C14orf39: variants seen among roughly 807,000 people sequenced by gnomAD.
C14orf39 encodes the protein chromosome 14 open reading frame 39.
A neutral mutation model predicts 85.6 loss-of-function variants in C14orf39; 66 were observed. The ratio of observed to expected loss-of-function variants is 0.77; its 90% CI spans 0.63 to 0.95. C14orf39 has a LOEUF of 0.95. Among genes scored for constraint, C14orf39 ranks in the 40% least tolerant of loss-of-function variants. C14orf39 has a pLI of 0.00. For missense variants in C14orf39, 735 were observed against 663.9 expected, an observed-to-expected ratio of 1.11 and a Z score of -1.18; for synonymous variants, 242 against 214.0, an observed-to-expected ratio of 1.13 and a Z score of -1.14.
intron 16 of C14orf39, among the ~76,000 whole-genome samples, chr14:60,446,239 C>CA (rs1469869657): frequency 2.0e-5 from 3 of 151,916 alleles, no homozygotes; most frequent in Non-Finnish European, 4.4e-5. Flanking sequence ...GCTAGAGACA[C>CA]AAAAAACCCT....
chr14:60,437,074 A>C, intron 17 of C14orf39, 27 bp from the exon 18 acceptor site: 72 of 1,456,158 alleles, frequency 4.9e-5, no homozygotes, highest in Non-Finnish European at 5.9e-5. Context: ...TTACAATATC[A>C]TGCTCTTCAT....
intron 1 of C14orf39, among the ~76,000 whole-genome samples, chr14:60,500,381 T>C (rs1016721684): frequency 6.6e-6 from 1 of 152,234 alleles, no homozygotes; most frequent in Admixed American, 6.5e-5. Flanking sequence ...AAAAGTCTTT[T>C]TGGATGGAAA....
At chr14:60,502,730 A>G (rs1893163558) in intron 1 of C14orf39, among the ~76,000 whole-genome samples, 1 of 152,226 alleles carries the variant, frequency 6.6e-6, no homozygotes. Context: ...TCCCTGCCAG[A>G]GCTTTGCAGC....
Position 60,483,755 on chromosome 14 carries a change from C to A in C14orf39, c.169G>T (p.Ala57Ser). ...TICRIHETIN[A>S]TDEEIDHYCK... The stretch of plus-strand genomic sequence containing the variant: ...TAATGATCAATTTCCTCATCTGTTG[C>A]ATTTATAGTTTCGTGTATCCTACAA... Residue 57 changes from alanine to serine, a missense_variant, in exon 4 of 18, where the codon GCA (alanine) becomes TCA (serine). By Grantham distance (99) the Ala-to-Ser change is moderately conservative. Transcript: ENST00000321731. 1 of 1,583,484 alleles carries A rather than the reference C, an allele frequency of 6.3e-7. No homozygotes were observed. The highest frequency in any genetic ancestry group is 1.1e-5 in the South Asian group (1 of 89,602).
intron 1 of C14orf39, chr14:60,511,174 C>A: frequency 6.2e-7 from 1 of 1,612,008 alleles, no homozygotes; most frequent in Non-Finnish European, 8.5e-7. Context: ...TCGCCACCAG[C>A]CCGGCCGCCA....
intron 5 of C14orf39, among the ~76,000 whole-genome samples, chr14:60,474,340 C>T (rs1324600674): frequency 6.6e-6 from 1 of 150,982 alleles, no homozygotes; most frequent in Non-Finnish European, 1.5e-5. Flanking sequence ...ATCATGTCAT[C>T]TGCAAACAGG....
chr14:60,493,366 T>C (rs915343876), intron 2 of C14orf39, among the ~76,000 whole-genome samples: 1 of 152,184 alleles, frequency 6.6e-6, no homozygotes, highest in African/African-American at 2.4e-5. Flanking sequence ...ATATGACAGA[T>C]CTTGTCCGTT....
At chr14:60,487,514 T>TGTGTG (rs71114105), upstream of C14orf39, among the ~76,000 whole-genome samples, 3 of 151,976 alleles carry the variant, frequency 2.0e-5, no homozygotes, top group African/African-American at 7.3e-5. Flanking sequence ...TGTGTGTGTG[T>TGTGTG]TTATCCATTC....
chr14:60,504,001 G>A (rs1893175575), intron 1 of C14orf39, among the ~76,000 whole-genome samples: 1 of 152,118 alleles, frequency 6.6e-6, no homozygotes, highest in Admixed American at 6.5e-5. Context: ...GGGTCTGGGG[G>A]ACCACTGTTC....
At chr14:60,501,408 A>G (rs923473802) in intron 1 of C14orf39, among the ~76,000 whole-genome samples, 2 of 152,140 alleles carry the variant, frequency 1.3e-5, no homozygotes, top group Non-Finnish European at 2.9e-5. Flanking sequence ...AAGTAAGGCA[A>G]AGAAGGAGGC....
At chr14:60,485,381 G>T (rs898854833) in intron 1 of C14orf39, among the ~76,000 whole-genome samples, 1 of 152,194 alleles carries the variant, frequency 6.6e-6, no homozygotes, top group East Asian at 1.9e-4. Flanking sequence ...CAAGCATCCG[G>T]ATCTTCCAGG....
At chr14:60,510,456 C>G (rs893086681) in intron 1 of C14orf39, among the ~76,000 whole-genome samples, 10 of 152,198 alleles carry the variant, frequency 6.6e-5, no homozygotes, top group African/African-American at 2.4e-4. Flanking sequence ...AATGGGAAGT[C>G]GAGTTTTCCT....
intron 1 of C14orf39, among the ~76,000 whole-genome samples, chr14:60,507,091 G>C (rs1434031911): frequency 6.6e-6 from 1 of 152,164 alleles, no homozygotes; most frequent in Non-Finnish European, 1.5e-5. Context: ...TCGGCTCGCG[G>C]GCTGTAAGGT....
chr14:60,438,408 G>T (rs1025213347), intron 17 of C14orf39, among the ~76,000 whole-genome samples: 1 of 152,036 alleles, frequency 6.6e-6, no homozygotes, highest in African/African-American at 2.4e-5. Flanking sequence ...GATCCAAAAA[G>T]AGCTAAAATC....
upstream of C14orf39, among the ~76,000 whole-genome samples, chr14:60,489,195 C>T (rs1338362183): frequency 6.6e-6 from 1 of 152,182 alleles, no homozygotes; most frequent in Non-Finnish European, 1.5e-5. Flanking sequence ...AGTCATCTCC[C>T]ATAAATAATT....
chr14:60,509,792 A>T (rs1047689079), intron 1 of C14orf39: 2 of 1,613,422 alleles, frequency 1.2e-6, no homozygotes, highest in Non-Finnish European at 1.7e-6. Flanking sequence ...CGAACAGAAG[A>T]CACACTGCTT....
Position 60,466,068 on chromosome 14 carries a change from A to C in C14orf39, c.896-13T>G, listed in dbSNP as rs199592083. ...TCTTCTTTTATATCTAGATTATTAA[A>C]TAGTACTACTTTAAATCAATGCTGG... On this transcript the variant is annotated splice_polypyrimidine_tract_variant and intron_variant, in intron 10 of 17. Transcript: ENST00000321731. 7.5e-7 allele frequency: 1 copy of C among 1,328,294 alleles called. No individual in the cohort carries two copies. Among genetic ancestry groups the C allele is most frequent in the South Asian group, 1.4e-5 (1 of 70,384 alleles). The allele number at this position is 1,328,294 out of a possible 1,614,324, so 82.3% of individuals were successfully genotyped here.
chr14:60,452,510 C>T (rs1027436961), intron 16 of C14orf39, among the ~76,000 whole-genome samples: 3 of 147,738 alleles, frequency 2.0e-5, no homozygotes, highest in South Asian at 2.1e-4. Flanking sequence ...AGGTTGGGGG[C>T]GGGGGACTGG....
chr14:60,448,220 G>C (rs1000400736), intron 16 of C14orf39, among the ~76,000 whole-genome samples: 1 of 152,158 alleles, frequency 6.6e-6, no homozygotes, highest in African/African-American at 2.4e-5. Context: ...AAGAGCTTGT[G>C]CACAGCAAAA....
Sources: gnomAD v4.1 joint callset for allele counts (sites outside exome capture counted in the v4.1 genomes callset) on GRCh38, gnomAD v4.1.1 for gene constraint, MANE v1.5 for transcripts, NCBI Gene and HGNC (gene_info 2026-07-23, HGNC 2026-07-21) for gene names.